Variants in FRAS1 observed in about 807,000 individuals in gnomAD.
FRAS1 encodes the protein extracellular matrix organizing protein FRAS1.
A neutral mutation model predicts 435.2 loss-of-function variants in FRAS1; 290 were observed. That is an observed-to-expected ratio of 0.67 (90% CI 0.61 to 0.73). FRAS1 has a LOEUF of 0.73. Among genes scored for constraint, FRAS1 ranks in the 30% least tolerant of loss-of-function variants. FRAS1 has a pLI of 0.00. For missense variants in FRAS1, 4,860 were observed against 5,001.5 expected (o/e 0.97, Z 0.85); for synonymous variants, 1,800 against 1,851.0 (o/e 0.97, Z 0.71).
intron 2 of FRAS1, among the ~76,000 whole-genome samples, chr4:78,161,252 T>C (rs1438273371): frequency 6.6e-6 from 1 of 152,214 alleles, no homozygotes; most frequent in Non-Finnish European, 1.5e-5. Context: ...ATTTTTCAGA[T>C]CTCTAATCCA....
At chr4:78,065,250 T>C (rs938953644) in intron 1 of FRAS1, among the ~76,000 whole-genome samples, 1 of 148,102 alleles carries the variant, frequency 6.8e-6, no homozygotes, top group African/African-American at 2.5e-5. Flanking sequence ...TATACATGTG[T>C]ATATATATGT....
At chr4:78,139,411 C>T (rs187738967) in intron 2 of FRAS1, among the ~76,000 whole-genome samples, 8 of 152,266 alleles carry the variant, frequency 5.3e-5, no homozygotes, top group Admixed American at 2.6e-4. Flanking sequence ...GCTTTCCCTC[C>T]TACAAATTAT....
intron 2 of FRAS1, among the ~76,000 whole-genome samples, chr4:78,204,378 GAA>G (rs372838391): frequency 6.6e-6 from 1 of 152,178 alleles, no homozygotes; most frequent in African/African-American, 2.4e-5. Context: ...AACTGTCAGG[GAA>G]AGACTTTCAT....
Position 78,375,830 on chromosome 4 carries a change from C to A in FRAS1, c.3243C>A (p.Tyr1081Ter), listed in dbSNP as rs769832946. Residue 1081 changes from tyrosine to a stop codon, truncating the protein, a stop_gained, in exon 26 of 74, where the codon TAC becomes TAA. Transcript: ENST00000512123. LOFTEE classifies it high-confidence loss of function. The part of the protein sequence containing the change: ...GFFLKSGLCV[Y>*]NCVPGFSVHT... ...TTCTGAAGAGTGGCCTCTGTGTTTACAACTGTGTTCCTGGCTTTTCTGTCC... is the reference window on the plus strand; with the variant it reads ...TTCTGAAGAGTGGCCTCTGTGTTTAAAACTGTGTTCCTGGCTTTTCTGTCC... 1 of 1,613,804 alleles carries A rather than the reference C, an allele frequency of 6.2e-7. No individual in the cohort carries two copies. Among genetic ancestry groups the A allele is most frequent in the Non-Finnish European group, 8.5e-7 (1 of 1,179,806 alleles).
chr4:78,068,532 G>T (rs1740168725), intron 2 of FRAS1: 4 of 456,196 alleles, frequency 8.8e-6, no homozygotes, highest in Non-Finnish European at 1.8e-5. Context: ...GCCTTGTGCA[G>T]ACTTTAGCTT....
At position 78,292,050 on chromosome 4, in the gene FRAS1, A is replaced by G. The variant is rs543092806; in HGVS notation, c.1534+5511A>G. Among the ~76,000 whole-genome samples the G allele has an allele frequency of 4.6e-5, 7 of 152,370 alleles. No homozygotes were observed. In the South Asian group the frequency reaches 1.4e-3, roughly 32 times the overall value. ...AGGTTAGAAAAGCTGTTTGAAATGT[A>G]TAAATACATTATGCCTGGCCTTAGT... On this transcript the variant is annotated intron_variant, in intron 14 of 73. Transcript: ENST00000512123.
At position 78,473,459 on chromosome 4, in the gene FRAS1, T is replaced by A. The variant is rs1387588524; in HGVS notation, c.7544T>A (p.Ile2515Asn). Reference protein sequence around the residue: ...FTQEDVNLGLIRYVLHKEKIR... With the variant: ...FTQEDVNLGLNRYVLHKEKIR... ...ACAGAGGATGTGAACTTGGGGTTGA[T>A]TCGTTATGTGTTGCACAAGGAGAAG... The change falls in exon 53 of 74, where the codon ATT (isoleucine) becomes AAT (asparagine). Residue 2515 changes from isoleucine to asparagine, a missense_variant. Coordinates refer to ENST00000512123, the MANE Select transcript of FRAS1 (RefSeq NM_025074.7). The A allele has an allele frequency of 6.2e-7, 1 of 1,612,884 alleles. No individual in the cohort carries two copies. Among genetic ancestry groups the A allele is most frequent in the African/African-American group, 1.3e-5 (1 of 74,990 alleles).
chr4:78,305,207 T>C (rs1728647276), intron 14 of FRAS1, among the ~76,000 whole-genome samples: 1 of 152,074 alleles, frequency 6.6e-6, no homozygotes. Flanking sequence ...TCTAGTTTGA[T>C]TGCACTGTGG....
intron 66 of FRAS1, among the ~76,000 whole-genome samples, chr4:78,518,604 A>G (rs973437786): frequency 6.6e-6 from 1 of 152,080 alleles, no homozygotes; most frequent in Non-Finnish European, 1.5e-5. Flanking sequence ...TGTTCATTAC[A>G]TAGTAAAATG....
In FRAS1 at chr4:78,123,688, T is replaced by C. The variant is rs553476250; in HGVS notation, c.108+57672T>C. 2.6e-5 allele frequency among the ~76,000 whole-genome samples: 4 copies of C among 152,340 alleles called. No homozygotes were observed. In the East Asian group the frequency reaches 7.7e-4, roughly 29 times the overall value. Reference sequence around the variant, plus strand: ...TTTGTAGTTCTCCTTGAAGAGGTCCTTCACATCCCTTTTAAGTTGGATTCC... The same window carrying C: ...TTTGTAGTTCTCCTTGAAGAGGTCCCTCACATCCCTTTTAAGTTGGATTCC... On this transcript the variant is annotated intron_variant, in intron 2 of 73. Transcript: ENST00000512123.
chr4:78,378,299 T>C (rs1731863658), intron 26 of FRAS1, among the ~76,000 whole-genome samples: 1 of 152,310 alleles, frequency 6.6e-6, no homozygotes, highest in East Asian at 1.9e-4. Context: ...TTTTGTGACA[T>C]ACCACATTTT....
At chr4:78,321,031 C>T (rs1053745885) in intron 18 of FRAS1, among the ~76,000 whole-genome samples, 1 of 152,180 alleles carries the variant, frequency 6.6e-6, no homozygotes, top group Non-Finnish European at 1.5e-5. Context: ...TTGAGCACCA[C>T]ATTAAACATT....
chr4:78,073,840 T>C lies in FRAS1; in HGVS notation c.108+7824T>C, dbSNP rs371389446. ...AAAATTTTATGTGGATGACATTTTG[T>C]TTCTGTGACACTTAAACATAAAATT... On this transcript the variant is annotated intron_variant, in intron 2 of 73. Coordinates refer to ENST00000512123, the MANE Select transcript of FRAS1 (RefSeq NM_025074.7). 1.4e-3 allele frequency among the ~76,000 whole-genome samples: 206 copies of C among 152,346 alleles called. 1 individual carries two copies. The highest frequency in any genetic ancestry group is 4.6e-3 in the African/African-American group (191 of 41,586).
chr4:78,479,543 G>T lies in FRAS1; in HGVS notation c.8268G>T (p.Met2756Ile), dbSNP rs563252514. 1.9e-6 allele frequency: 3 copies of T among 1,613,954 alleles called. No individual in the cohort carries two copies. Among genetic ancestry groups the T allele is most frequent in the Non-Finnish European group, 2.5e-6 (3 of 1,179,838 alleles). Residue 2756 changes from methionine to isoleucine, a missense_variant, in exon 56 of 74, where the codon ATG (methionine) becomes ATT (isoleucine). By Grantham distance (10) the Met-to-Ile change is conservative (BLOSUM62 1). Coordinates refer to ENST00000512123, the MANE Select transcript of FRAS1 (RefSeq NM_025074.7). ...TGACCATGTCCACCTGTGATGTCAT[G>T]CTTATTGATGACAGCGAGTATGAAG... is the stretch of plus-strand genomic sequence containing the variant. Reference protein sequence around the residue: ...PGVTMSTCDVMLIDDSEYEEE... With the variant: ...PGVTMSTCDVILIDDSEYEEE...
chr4:78,265,208 A>C, intron 7 of FRAS1, 100 bp downstream of exon 7: 1 of 668,638 alleles, frequency 1.5e-6, no homozygotes, highest in Non-Finnish European at 2.5e-6. Context: ...CTCATGTCTG[A>C]CTCTGCCAGG....
intron 41 of FRAS1, 66 bp downstream of exon 41, chr4:78,441,363 C>A: frequency 1.4e-6 from 2 of 1,451,210 alleles, no homozygotes; most frequent in Non-Finnish European, 9.5e-7. Context: ...GAGGACCTTG[C>A]TTCCAGCTAA....
chr4:78,517,594 G>A (rs1321297565), intron 66 of FRAS1, among the ~76,000 whole-genome samples: 1 of 152,220 alleles, frequency 6.6e-6, no homozygotes, highest in East Asian at 1.9e-4. Context: ...CTAAGGCCTA[G>A]TTGGTACCTT....
intron 14 of FRAS1, among the ~76,000 whole-genome samples, chr4:78,289,042 CTGAG>C (rs1378888251): frequency 2.0e-5 from 3 of 152,274 alleles, no homozygotes; most frequent in Non-Finnish European, 4.4e-5. Flanking sequence ...CCCAAAGAAA[CTGAG>C]TGCTGTGCTG....
intron 2 of FRAS1, among the ~76,000 whole-genome samples, chr4:78,077,065 A>G (rs1001421690): frequency 2.6e-5 from 4 of 152,206 alleles, no homozygotes; most frequent in African/African-American, 7.2e-5. Context: ...TAAAACTATG[A>G]ACTTGGCCTT....
Sources: allele counts gnomAD v4.1 joint callset (sites outside exome capture counted in the v4.1 genomes callset), GRCh38; gene constraint gnomAD v4.1.1; transcripts MANE v1.5; gene names NCBI Gene and HGNC (gene_info 2026-07-23, HGNC 2026-07-21).